Variants in SLC16A7 observed in about 807,000 individuals in gnomAD.
The protein encoded by SLC16A7 is solute carrier family 16 member 7.
SLC16A7 carries 33 observed loss-of-function variants against 34.9 expected under a neutral mutation model. The ratio of observed to expected loss-of-function variants is 0.94; its 90% confidence interval spans 0.72 to 1.26. The LOEUF (loss-of-function observed/expected upper bound fraction) is 1.26. Ranked by LOEUF, SLC16A7 falls within the 50% of genes most tolerant of loss-of-function variation. The pLI is 0.00. For synonymous variants in SLC16A7, 201 were observed against 206.6 expected (o/e 0.97, Z 0.23); for missense variants, 573 against 578.1 (o/e 0.99, Z 0.09).
chr12:59,693,451 G>A (rs1339059407), intron 2 of SLC16A7, among the ~76,000 whole-genome samples: 1 of 151,796 alleles, frequency 6.6e-6, no homozygotes, highest in Non-Finnish European at 1.5e-5. Flanking sequence ...ACTCCTATGT[G>A]TTACATATTT....
intron 3 of SLC16A7, among the ~76,000 whole-genome samples, chr12:59,742,603 T>A (rs2711664): frequency 0.12 from 18,655 of 152,188 alleles, 1,494 homozygotes; most frequent in African/African-American, 0.22. Context: ...ATGAAAGCTG[T>A]TGAAAATGTA....
At chr12:59,611,543 A>G (rs1879193243) in intron 1 of SLC16A7, among the ~76,000 whole-genome samples, 1 of 152,236 alleles carries the variant, frequency 6.6e-6, no homozygotes, top group South Asian at 2.1e-4. Flanking sequence ...CAAAACTTAT[A>G]TCCTCACATT....
chr12:59,732,179 A>G (rs1251976644), intron 3 of SLC16A7, among the ~76,000 whole-genome samples: 1 of 152,018 alleles, frequency 6.6e-6, no homozygotes, highest in African/African-American at 2.4e-5. Flanking sequence ...GCACTTTGGG[A>G]GGCCGAGGTG....
Position 59,782,979 on chromosome 12 carries a change from G to A in SLC16A7, c.*3300G>A, listed in dbSNP as rs1883352603. On this transcript the variant is annotated 3_prime_UTR_variant, in exon 6 of 6. Transcript: ENST00000547379. Reference sequence around the variant, plus strand: ...AATTAGATTTTCTATGTTTGAATGTGCACTTTAAAAAATCTAGATAATTTA... The same window carrying A: ...AATTAGATTTTCTATGTTTGAATGTACACTTTAAAAAATCTAGATAATTTA... The A allele has an allele frequency of 6.6e-6, 1 of 152,064 alleles. No individual in the cohort carries two copies. The allele number at this position is 152,064 out of a possible 1,614,324, so 9.4% of individuals were successfully genotyped here. A position where few individuals can be genotyped will look rare whatever the true frequency, so the allele number is the denominator to read the frequency against.
intron 1 of SLC16A7, among the ~76,000 whole-genome samples, chr12:59,600,737 C>G (rs1221013092): frequency 6.6e-6 from 1 of 152,178 alleles, no homozygotes; most frequent in Non-Finnish European, 1.5e-5. Context: ...TATAATAAAA[C>G]TAGTCCAGCT....
chr12:59,640,983 A>G (rs573868816), intron 1 of SLC16A7, among the ~76,000 whole-genome samples: 1 of 152,200 alleles, frequency 6.6e-6, no homozygotes, highest in Admixed American at 6.5e-5. Flanking sequence ...ACTGAAGGCA[A>G]CATTTGTATA....
chr12:59,656,662 AAT>A (rs1868550413), intron 2 of SLC16A7, among the ~76,000 whole-genome samples: 1 of 152,034 alleles, frequency 6.6e-6, no homozygotes, highest in African/African-American at 2.4e-5. Context: ...ACAGAAAACA[AAT>A]ACAGCTCAAC....
intron 1 of SLC16A7, among the ~76,000 whole-genome samples, chr12:59,633,266 G>A (rs1880266268): frequency 6.6e-6 from 1 of 151,916 alleles, no homozygotes; most frequent in South Asian, 2.1e-4. Flanking sequence ...TGGGTTTTGA[G>A]GGAAGCTATG....
intron 2 of SLC16A7, among the ~76,000 whole-genome samples, chr12:59,679,175 T>C (rs1351574152): frequency 4.6e-5 from 7 of 152,100 alleles, no homozygotes; most frequent in Admixed American, 4.6e-4. Context: ...AAGGCAGGGC[T>C]CCTGCCTGCC....
rs146224012 is a variant in SLC16A7 at position 59,740,461 on chromosome 12, T to C, written c.218-30758T>C. 7.0e-3 allele frequency among the ~76,000 whole-genome samples: 1,067 copies of C among 152,244 alleles called. 4 individuals carry two copies. The highest frequency in any genetic ancestry group is 0.025 in the African/African-American group (1,037 of 41,542). ...TGGTGACTGTAGCCTTGTAGTATAG[T>C]TTGAAGTCAGGTAGCAGATGCAGAA... On this transcript the variant is annotated intron_variant, in intron 3 of 5. Coordinates refer to ENST00000547379, the MANE Select transcript of SLC16A7 (RefSeq NM_001270623.2).
chr12:59,781,456 A>G lies in SLC16A7; in HGVS notation c.*1777A>G, dbSNP rs1329390143. 3.9e-5 allele frequency: 6 copies of G among 152,560 alleles called. No individual in the cohort carries two copies. Among genetic ancestry groups the G allele is most frequent in the Non-Finnish European group, 8.8e-5 (6 of 68,014 alleles). The allele number at this position is 152,560 out of a possible 1,614,324, so 9.5% of individuals were successfully genotyped here. A position where few individuals can be genotyped will look rare whatever the true frequency, so the allele number is the denominator to read the frequency against. Reference sequence around the variant, plus strand: ...AGTTAACATTAAACATTTGATTCATAAAGTTAATTCACTGCTTAAGCATGT... The same window carrying G: ...AGTTAACATTAAACATTTGATTCATGAAGTTAATTCACTGCTTAAGCATGT... On this transcript the variant is annotated 3_prime_UTR_variant, in exon 6 of 6. Transcript: ENST00000547379.
At position 59,704,777 on chromosome 12, in the gene SLC16A7, T is replaced by C. The variant is rs746415267; in HGVS notation, c.-25T>C. The C allele has an allele frequency of 1.3e-6, 2 of 1,544,124 alleles. No homozygotes were observed. On this transcript the variant is annotated 5_prime_UTR_variant, in exon 3 of 6. Coordinates refer to ENST00000547379, the MANE Select transcript of SLC16A7 (RefSeq NM_001270623.2). ...ATTTCATTATTTTAATATAGGTTAC[T>C]TGAATTTCCACTAGAGGAGCAGAAA...
intron 2 of SLC16A7, among the ~76,000 whole-genome samples, chr12:59,688,747 TAAAAC>T (rs1871342852): frequency 6.6e-6 from 1 of 152,054 alleles, no homozygotes; most frequent in South Asian, 2.1e-4. Flanking sequence ...AGGAGAAACT[TAAAAC>T]AACGTAGGTA....
At chr12:59,601,477 G>A (rs1878678855) in intron 1 of SLC16A7, among the ~76,000 whole-genome samples, 1 of 152,116 alleles carries the variant, frequency 6.6e-6, no homozygotes, top group African/African-American at 2.4e-5. Context: ...TATGTGAAAG[G>A]CAAATTCAGT....
At chr12:59,768,114 G>T (rs1357827213) in intron 3 of SLC16A7, 1 of 449,500 alleles carries the variant, frequency 2.2e-6, no homozygotes, top group East Asian at 7.0e-5. Flanking sequence ...AATACATTTT[G>T]TAAGCTTACA....
intron 1 of SLC16A7, among the ~76,000 whole-genome samples, chr12:59,649,505 A>C (rs190020056): frequency 2.5e-3 from 376 of 152,266 alleles, no homozygotes; most frequent in Middle Eastern, 0.014. Context: ...CCACATTATT[A>C]TTTGAGCTAA....
At chr12:59,726,113 C>A (rs1295272819) in intron 3 of SLC16A7, among the ~76,000 whole-genome samples, 20 of 152,084 alleles carry the variant, frequency 1.3e-4, no homozygotes, top group Non-Finnish European at 5.9e-5. Context: ...CTCCTCCAAC[C>A]ACGTTTAAAG....
chr12:59,789,220 A>G lies in SLC16A7; in HGVS notation c.*9541A>G, dbSNP rs1883826447. On this transcript the variant is annotated 3_prime_UTR_variant, in exon 6 of 6. Transcript: ENST00000547379. Reference sequence around the variant, plus strand: ...TATTGAAATGAATTGATAGATATTGATTATTAAAATGCTACTACAGTATTC... The same window carrying G: ...TATTGAAATGAATTGATAGATATTGGTTATTAAAATGCTACTACAGTATTC... The G allele has an allele frequency of 6.6e-6, 1 of 152,134 alleles. No individual in the cohort carries two copies. Among genetic ancestry groups the G allele is most frequent in the African/African-American group, 2.4e-5 (1 of 41,460 alleles). The allele number at this position is 152,134 out of a possible 1,614,324, so 9.4% of individuals were successfully genotyped here.
At chr12:59,669,714 G>A (rs551835071) in intron 2 of SLC16A7, among the ~76,000 whole-genome samples, 4 of 139,792 alleles carry the variant, frequency 2.9e-5, no homozygotes, top group East Asian at 4.0e-4. Context: ...AGAAACAAAG[G>A]CTATCAATAC....
Sources: allele counts gnomAD v4.1 joint callset (sites outside exome capture counted in the v4.1 genomes callset), GRCh38; gene constraint gnomAD v4.1.1; transcripts MANE v1.5; gene names NCBI Gene and HGNC (gene_info 2026-07-23, HGNC 2026-07-21).